NFIB: variants seen among roughly 807,000 people sequenced by gnomAD.
NFIB encodes the protein nuclear factor I B.
A neutral mutation model predicts 61.5 loss-of-function variants in NFIB; 11 were observed. The observed-to-expected ratio is 0.18, with a 90% CI of 0.11 to 0.30. The LOEUF (loss-of-function observed/expected upper bound fraction) is 0.30. Ranked by LOEUF, NFIB falls within the 10% of genes least tolerant of loss-of-function variation. The pLI is 1.00. For missense variants in NFIB, 471 were observed against 608.9 expected, an observed-to-expected ratio of 0.77 and a Z score of 2.38; for synonymous variants, 260 against 216.5, an observed-to-expected ratio of 1.20 and a Z score of -1.76.
At chr9:14,447,723 G>A in the NFIB span, among the ~76,000 whole-genome samples, 1 of 152,128 alleles carries the variant, frequency 6.6e-6, no homozygotes, top group Admixed American at 6.5e-5. Flanking sequence ...TTGGGATACA[G>A]GCATGTGGAC....
chr9:14,366,172 T>C (rs2061297678), intron 1 of NFIB, among the ~76,000 whole-genome samples: 1 of 152,212 alleles, frequency 6.6e-6, no homozygotes, highest in Non-Finnish European at 1.5e-5. Context: ...AACAGAGGCT[T>C]TAGGCCCCTG....
At position 14,186,971 on chromosome 9, in the gene NFIB, T is replaced by C. The variant is rs60715160; in HGVS notation, c.563-7191A>G. 5.9e-3 allele frequency among the ~76,000 whole-genome samples: 893 copies of C among 150,588 alleles called. 30 individuals are homozygous for C. Among genetic ancestry groups the C allele is most frequent in the Admixed American group, 0.039 (591 of 15,036 alleles). On this transcript the variant is annotated intron_variant, in intron 2 of 10. Transcript: ENST00000380953. The stretch of plus-strand genomic sequence containing the variant: ...AGCATGTAAATGTTTGGGAAATGGT[T>C]TCTCTCTCTCTCTCCCTCCTTCATT...
intron 2 of NFIB, chr9:14,204,541 G>T: frequency 7.4e-7 from 1 of 1,358,824 alleles, no homozygotes. Flanking sequence ...TGCTTAAGCT[G>T]CCCCACAAGT....
At chr9:14,164,798 T>A (rs1422151992) in intron 3 of NFIB, among the ~76,000 whole-genome samples, 1 of 152,172 alleles carries the variant, frequency 6.6e-6, no homozygotes, top group Admixed American at 6.5e-5. Flanking sequence ...TCTGGGATTC[T>A]TGAAAGCAGT....
At chr9:14,426,313 G>T in the NFIB span, among the ~76,000 whole-genome samples, 1 of 152,176 alleles carries the variant, frequency 6.6e-6, no homozygotes, top group Non-Finnish European at 1.5e-5. Flanking sequence ...GATGCAGGTG[G>T]CATGGCTTTG....
At chr9:14,467,979 T>A in the NFIB span, among the ~76,000 whole-genome samples, 1 of 152,258 alleles carries the variant, frequency 6.6e-6, no homozygotes, top group African/African-American at 2.4e-5. Flanking sequence ...AATATGACTT[T>A]AATCCTGTGG....
intron 2 of NFIB, among the ~76,000 whole-genome samples, chr9:14,250,132 C>A (rs557899505): frequency 6.6e-6 from 1 of 152,284 alleles, no homozygotes; most frequent in African/African-American, 2.4e-5. Flanking sequence ...GGTTATCACG[C>A]AGGATTTTTA....
intron 6 of NFIB, among the ~76,000 whole-genome samples, chr9:14,134,913 A>AAAAAAAAAAAAAAG (rs1011872669): frequency 7.5e-6 from 1 of 133,376 alleles, no homozygotes; most frequent in African/African-American, 2.6e-5. Context: ...AAAAAAAAAA[A>AAAAAAAAAAAAAAG]AAAAAAAGGA....
chr9:14,362,706 G>A (rs748221905), intron 1 of NFIB: 12 of 152,072 alleles, frequency 7.9e-5, no homozygotes, highest in Non-Finnish European at 1.3e-4. Flanking sequence ...GCCCAGCCTG[G>A]GCAACATAGA....
intron 6 of NFIB, among the ~76,000 whole-genome samples, chr9:14,145,160 T>A (rs975454731): frequency 6.6e-6 from 1 of 152,050 alleles, no homozygotes; most frequent in Non-Finnish European, 1.5e-5. Context: ...AACTCTCCAG[T>A]TGAGTTTCAT....
chr9:14,086,495 C>T lies in NFIB; in HGVS notation c.*1814G>A. Reference sequence around the variant, plus strand: ...TCGTATAAATTTGAAACCCCTCCCCCCCAAATATTAATTGGAAGATGAAAA... The same window carrying T: ...TCGTATAAATTTGAAACCCCTCCCCTCCAAATATTAATTGGAAGATGAAAA... On this transcript the variant is annotated 3_prime_UTR_variant, in exon 11 of 11. Coordinates refer to ENST00000380953, the MANE Select transcript of NFIB (RefSeq NM_001190737.2). 1 of 216,888 alleles carries T rather than the reference C, an allele frequency of 4.6e-6. No homozygotes were observed. The highest frequency in any genetic ancestry group is 1.4e-3 in the Middle Eastern group (1 of 692). 13.4% of individuals were successfully genotyped at this position (216,888 alleles called of 1,614,324 possible).
the NFIB span, among the ~76,000 whole-genome samples, chr9:14,491,188 A>T: frequency 6.6e-6 from 1 of 152,198 alleles, no homozygotes; most frequent in East Asian, 1.9e-4. Context: ...TGTGGTGAAG[A>T]TTAAATGATT....
chr9:14,218,768 G>C (rs2051258566), intron 2 of NFIB, among the ~76,000 whole-genome samples: 1 of 152,178 alleles, frequency 6.6e-6, no homozygotes, highest in African/African-American at 2.4e-5. Flanking sequence ...CATTGGCCTT[G>C]ATCACAGTGG....
chr9:14,393,542 G>C lies in NFIB; in HGVS notation c.108+4982C>G, dbSNP rs116284329. Among the ~76,000 whole-genome samples, 1,161 of 152,276 alleles carry C rather than the reference G, an allele frequency of 7.6e-3. 19 individuals are homozygous for C. Among genetic ancestry groups the C allele is most frequent in the African/African-American group, 0.027 (1,107 of 41,548 alleles). On this transcript the variant is annotated intron_variant, in intron 1 of 8. Coordinates refer to the NFIB transcript ENST00000380934. ...CTCCCTCTGGGCTAAAGCCAACTCT[G>C]CTGTACCTGGTAACCTTTTCCACAT...
At chr9:14,090,506 ATC>A (rs1332568481) in intron 10 of NFIB, among the ~76,000 whole-genome samples, 1 of 152,098 alleles carries the variant, frequency 6.6e-6, no homozygotes, top group Non-Finnish European at 1.5e-5. Flanking sequence ...ATCTGGGATT[ATC>A]TTACTAACTG....
At chr9:14,237,832 TAG>T (rs1485454408) in intron 2 of NFIB, among the ~76,000 whole-genome samples, 3 of 115,774 alleles carry the variant, frequency 2.6e-5, no homozygotes, top group Admixed American at 9.4e-5. Flanking sequence ...CTCACCCTGC[TAG>T]GTATAACAGT....
At chr9:14,216,520 CTCTCTCTCTCTCTCTCTCTCTCCCTCTG>C (rs2050895463) in intron 2 of NFIB, among the ~76,000 whole-genome samples, 6 of 38,454 alleles carry the variant, frequency 1.6e-4, no homozygotes, top group South Asian at 9.4e-4. Flanking sequence ...CTCTCTCTCT[CTCTCTCTCTCTCTCTCTCTCTCCCTCTG>C]TGTGTGTGTG....
At chr9:14,122,978 G>T (rs1033215857) in intron 7 of NFIB, among the ~76,000 whole-genome samples, 16 of 152,086 alleles carry the variant, frequency 1.1e-4, no homozygotes, top group African/African-American at 3.1e-4. Flanking sequence ...GCCAGGCATG[G>T]TGGCTCACGG....
chr9:14,320,449 T>C (rs1177000430), intron 1 of NFIB, among the ~76,000 whole-genome samples: 1 of 152,240 alleles, frequency 6.6e-6, no homozygotes, highest in Admixed American at 6.5e-5. Flanking sequence ...TATGATTTAA[T>C]AGGGACTTTT....
Sources: allele counts gnomAD v4.1 joint callset (sites outside exome capture counted in the v4.1 genomes callset), GRCh38; gene constraint gnomAD v4.1.1; transcripts MANE v1.5; gene names NCBI Gene and HGNC (gene_info 2026-07-23, HGNC 2026-07-21).